Variants in TTC23 observed in about 807,000 individuals in gnomAD.
TTC23 encodes tetratricopeptide repeat domain 23.
TTC23 carries 58 observed loss-of-function variants against 55.1 expected under a neutral mutation model. The ratio of observed to expected loss-of-function variants is 1.05; its 90% CI spans 0.85 to 1.31. The LOEUF (loss-of-function observed/expected upper bound fraction) is 1.31, where lower values mean the gene tolerates loss of function less well. Among genes scored for constraint, TTC23 ranks in the 50% most tolerant of loss-of-function variants. The probability of loss-of-function intolerance (pLI) is 0.00; values close to 1 mark genes in which losing one functional copy is unlikely to be tolerated. For missense variants in TTC23, 516 were observed against 534.4 expected (o/e 0.97, Z 0.34); for synonymous variants, 203 against 199.9 (o/e 1.02, Z -0.13).
chr15:99,166,918 C>G (rs377722102), intron 10 of TTC23, among the ~76,000 whole-genome samples: 13 of 152,156 alleles, frequency 8.5e-5, no homozygotes, highest in African/African-American at 3.1e-4. Flanking sequence ...ACGTGTGCAC[C>G]TTCCCTGTCT....
At chr15:99,250,302 T>C (rs2080617753), upstream of TTC23, among the ~76,000 whole-genome samples, 1 of 152,250 alleles carries the variant, frequency 6.6e-6, no homozygotes, top group South Asian at 2.1e-4. Flanking sequence ...ATTTAATAGA[T>C]AACTGATAAT....
chr15:99,227,193 T>G (rs534814106), intron 5 of TTC23, among the ~76,000 whole-genome samples: 1 of 152,248 alleles, frequency 6.6e-6, no homozygotes, highest in Non-Finnish European at 1.5e-5. Context: ...ATCCTGGTCT[T>G]TCTCCTGTAT....
At chr15:99,146,875 C>CT (rs1427743718) in intron 12 of TTC23, among the ~76,000 whole-genome samples, 3 of 152,224 alleles carry the variant, frequency 2.0e-5, no homozygotes, top group Admixed American at 6.5e-5. Flanking sequence ...AACTGGAATT[C>CT]TTATTACCAC....
intron 4 of TTC23, among the ~76,000 whole-genome samples, chr15:99,234,386 T>A (rs111361336): frequency 0.14 from 20,665 of 152,204 alleles, 1,421 homozygotes; most frequent in African/African-American, 0.15. Context: ...TTATTTATTT[T>A]TTGAGACGGA....
At chr15:99,221,920 C>G (rs1567525246) in intron 5 of TTC23, 56 bp from the exon 6 acceptor site, 14 of 1,594,586 alleles carry the variant, frequency 8.8e-6, no homozygotes, top group Non-Finnish European at 1.1e-5. Flanking sequence ...TCACAAAACA[C>G]AAAATCAATG....
chr15:99,196,152 A>C (rs74752303), intron 9 of TTC23, among the ~76,000 whole-genome samples: 2 of 138,980 alleles, frequency 1.4e-5, no homozygotes, highest in Non-Finnish European at 3.2e-5. Context: ...ACTCTGTCTC[A>C]AAAAAAAAAA....
chr15:99,200,050 G>C lies in TTC23; in HGVS notation c.628C>G (p.Gln210Glu), dbSNP rs747601785. The change falls in exon 9 of 14, where the codon CAA becomes GAA. Residue 210 changes from glutamine to glutamate, a missense_variant. Gln to Glu is a conservative substitution (Grantham distance 29). Transcript: ENST00000394132. ...KKSKEALSHY[Q>E]AALEYVEISK... ...ATCTCAACATATTCCAAAGCTGCTT[G>C]ATAGTGGGACAAAGCTTCTTTTGAC... 4.3e-6 allele frequency: 7 copies of C among 1,613,084 alleles called. No homozygotes were observed. Among genetic ancestry groups the C allele is most frequent in the Non-Finnish European group, 5.9e-6 (7 of 1,179,414 alleles).
intron 10 of TTC23, among the ~76,000 whole-genome samples, chr15:99,172,796 C>A (rs2151925625): frequency 6.6e-6 from 1 of 152,308 alleles, no homozygotes; most frequent in South Asian, 2.1e-4. Context: ...AATTATCACA[C>A]ATTTATCATC....
chr15:99,170,975 T>C (rs926493846), intron 10 of TTC23, among the ~76,000 whole-genome samples: 3 of 152,208 alleles, frequency 2.0e-5, no homozygotes, highest in Admixed American at 6.5e-5. Flanking sequence ...ACTATGTTCA[T>C]GGGGTAGGAA....
At chr15:99,162,011 T>A in intron 10 of TTC23, 144 bp from the exon 11 acceptor site, 1 of 783,318 alleles carries the variant, frequency 1.3e-6, no homozygotes, top group Non-Finnish European at 1.9e-6. Flanking sequence ...CTTTGCCCAT[T>A]AATCTGCCTG....
chr15:99,229,391 A>T (rs1419392676), intron 4 of TTC23, among the ~76,000 whole-genome samples: 1 of 152,244 alleles, frequency 6.6e-6, no homozygotes, highest in East Asian at 1.9e-4. Context: ...AAGAAACAAG[A>T]CAAGCAATGA....
chr15:99,236,683 T>C (rs941458281), intron 3 of TTC23, among the ~76,000 whole-genome samples: 1 of 152,088 alleles, frequency 6.6e-6, no homozygotes, highest in Non-Finnish European at 1.5e-5. Context: ...GCATTGAGCC[T>C]GGCCCTTTTC....
At chr15:99,236,981 A>AT (rs2079374408) in intron 3 of TTC23, among the ~76,000 whole-genome samples, 1 of 130,046 alleles carries the variant, frequency 7.7e-6, no homozygotes, top group Non-Finnish European at 1.7e-5. Flanking sequence ...TTCACTCCTA[A>AT]GTTTTTTTTT....
Position 99,218,571 on chromosome 15 carries a change from C to T in TTC23, c.581+17G>A, listed in dbSNP as rs2077656210. The T allele has an allele frequency of 3.1e-6, 5 of 1,613,926 alleles. No homozygotes were observed. Among genetic ancestry groups the T allele is most frequent in the Admixed American group, 1.7e-5 (1 of 59,998 alleles). ...CTCCCGCCATCATGTATGCAAAATC[C>T]TAAACTTGAAACTTACTGTGCAAAT... On this transcript the variant is annotated intron_variant, in intron 8 of 13. Transcript: ENST00000394132.
At chr15:99,211,383 C>CAA (rs1389824101) in intron 8 of TTC23, among the ~76,000 whole-genome samples, 2,720 of 147,302 alleles carry the variant, frequency 0.018, 82 homozygotes, top group African/African-American at 0.064. Flanking sequence ...AAAAAACAAA[C>CAA]AAACAAAAAA....
chr15:99,207,592 A>T (rs1371624640), intron 8 of TTC23, among the ~76,000 whole-genome samples: 1 of 152,138 alleles, frequency 6.6e-6, no homozygotes, highest in Non-Finnish European at 1.5e-5. Flanking sequence ...CCCCGTCTCT[A>T]CTAAAAATAC....
intron 8 of TTC23, 37 bp downstream of exon 8, chr15:99,218,551 G>A (rs200054433): frequency 1.9e-5 from 30 of 1,612,850 alleles, no homozygotes; most frequent in Middle Eastern, 3.3e-4. Context: ...AGAGCCTCCC[G>A]CCATCATGTA....
intron 9 of TTC23, among the ~76,000 whole-genome samples, chr15:99,185,366 C>T (rs571021610): frequency 6.6e-6 from 1 of 152,294 alleles, no homozygotes; most frequent in Admixed American, 6.5e-5. Flanking sequence ...GAGCACTGAG[C>T]AGCCATCACC....
At chr15:99,156,118 G>C (rs199700206) in intron 12 of TTC23, 30 bp downstream of exon 12, 2 of 1,613,962 alleles carry the variant, frequency 1.2e-6, no homozygotes, top group Non-Finnish European at 1.7e-6. Flanking sequence ...GGAGAGCCTA[G>C]TCTCGTGTTA....
Sources: allele counts gnomAD v4.1 joint callset (sites outside exome capture counted in the v4.1 genomes callset), GRCh38; gene constraint gnomAD v4.1.1; transcripts MANE v1.5; gene names NCBI Gene and HGNC (gene_info 2026-07-23, HGNC 2026-07-21).